The following MED13L variants were observed in gnomAD, a reference collection of about 807,000 sequenced individuals.
MED13L encodes mediator complex subunit 13L.
MED13L carries 7 observed loss-of-function variants against 220.9 expected under a neutral mutation model. The observed-to-expected ratio is 0.03, with a 90% CI of 0.02 to 0.06. The LOEUF (loss-of-function observed/expected upper bound fraction) is 0.06. MED13L is among the 10% of genes least tolerant of loss of function. MED13L has a pLI of 1.00. For synonymous variants in MED13L, 1,011 were observed against 1,015.2 expected (o/e 1.00, Z 0.08); for missense variants, 1,965 against 2,760.5 (o/e 0.71, Z 6.46).
At position 116,276,870 on chromosome 12, in the gene MED13L, A is replaced by C; in HGVS notation, c.72+190T>G. 4 of 964,932 alleles carry C rather than the reference A, an allele frequency of 4.1e-6. No individual in the cohort carries two copies. In the South Asian group the frequency reaches 6.3e-5, roughly 15 times the overall value. The allele number at this position is 964,932 out of a possible 1,614,324, so 59.8% of individuals were successfully genotyped here. A position where few individuals can be genotyped will look rare whatever the true frequency, so the allele number is the denominator to read the frequency against. On this transcript the variant is annotated intron_variant, in intron 1 of 30. Transcript: ENST00000281928. ...CAAATGATTTTTAAAGAGCCAAATA[A>C]ACACTGGATGGGATCCAAGGCGAGA...
chr12:116,250,248 A>T (rs1871414716), intron 1 of MED13L, among the ~76,000 whole-genome samples: 1 of 151,702 alleles, frequency 6.6e-6, no homozygotes, highest in Non-Finnish European at 1.5e-5. Flanking sequence ...CCAAATCTAG[A>T]CTTTTAGATC....
chr12:116,108,813 G>A (rs2137885981), intron 3 of MED13L, among the ~76,000 whole-genome samples: 1 of 152,252 alleles, frequency 6.6e-6, no homozygotes. Context: ...ATCAAAGTAT[G>A]TAAAATAAAA....
At chr12:116,182,005 C>T (rs1439249600) in intron 2 of MED13L, among the ~76,000 whole-genome samples, 1 of 152,132 alleles carries the variant, frequency 6.6e-6, no homozygotes, top group Non-Finnish European at 1.5e-5. Flanking sequence ...CTGCTGTTTC[C>T]ATAGTGAAGT....
intron 2 of MED13L, among the ~76,000 whole-genome samples, chr12:116,183,803 G>GGTGTGTGTGTGTGTGT (rs66691805): frequency 3.0e-4 from 33 of 110,164 alleles, no homozygotes; most frequent in East Asian, 1.9e-3. Flanking sequence ...TAGAAAAAAT[G>GGTGTGTGTGTGTGTGT]GTGTGTGTGT....
intron 4 of MED13L, among the ~76,000 whole-genome samples, chr12:116,040,612 A>G (rs544090158): frequency 1.1e-4 from 17 of 152,294 alleles, no homozygotes; most frequent in Admixed American, 1.0e-3. Context: ...TTCCCACTGA[A>G]TGACTCAGAC....
intron 2 of MED13L, among the ~76,000 whole-genome samples, chr12:116,148,357 T>C (rs1251023097): frequency 6.6e-6 from 1 of 151,956 alleles, no homozygotes; most frequent in Non-Finnish European, 1.5e-5. Context: ...TTATTTATAA[T>C]TGTTGATGGT....
At chr12:116,015,393 T>C (rs1879666295) in intron 7 of MED13L, 119 bp from the exon 8 acceptor site, 7 of 1,084,224 alleles carry the variant, frequency 6.5e-6, no homozygotes, top group South Asian at 1.3e-5. Flanking sequence ...TACATAGCTT[T>C]TTCCCTATCC....
chr12:116,241,902 G>C (rs1293266037), intron 1 of MED13L, among the ~76,000 whole-genome samples: 2 of 152,010 alleles, frequency 1.3e-5, no homozygotes, highest in African/African-American at 4.8e-5. Context: ...TTTGGTAAGA[G>C]AAAAGACAGC....
intron 2 of MED13L, among the ~76,000 whole-genome samples, chr12:116,125,289 G>A (rs150737103): frequency 2.1e-3 from 315 of 152,322 alleles, no homozygotes; most frequent in African/African-American, 7.3e-3. Context: ...GGGCACTACA[G>A]TGTGATCCCA....
At chr12:116,111,080 G>A (rs1430242063) in intron 3 of MED13L, among the ~76,000 whole-genome samples, 3 of 152,096 alleles carry the variant, frequency 2.0e-5, no homozygotes. Context: ...TTTTTATCAT[G>A]ATACTGTGCT....
At chr12:116,271,548 C>G (rs1381818637) in intron 1 of MED13L, among the ~76,000 whole-genome samples, 3 of 151,730 alleles carry the variant, frequency 2.0e-5, no homozygotes, top group Non-Finnish European at 4.4e-5. Flanking sequence ...ATGGCACGAA[C>G]CCGGGAGGCG....
rs547032155 is a variant in MED13L at position 116,157,600 on chromosome 12, C to T, written c.311-46088G>A. Among the ~76,000 whole-genome samples the T allele has an allele frequency of 2.6e-5, 4 of 152,358 alleles. No homozygotes were observed. The East Asian group carries it at 7.7e-4, about 29-fold the overall frequency. ...ACTGAACTACCTGAGTGCAAGAGCA[C>T]TATGCATCCTACTACCTCTCCGTTT... On this transcript the variant is annotated intron_variant, in intron 2 of 30. Coordinates refer to ENST00000281928, the MANE Select transcript of MED13L (RefSeq NM_015335.5).
intron 3 of MED13L, among the ~76,000 whole-genome samples, chr12:116,105,492 T>C (rs1321060748): frequency 2.0e-5 from 3 of 152,352 alleles, no homozygotes; most frequent in East Asian, 1.9e-4. Context: ...ATAAGTGTAA[T>C]TGCATGATCT....
chr12:116,044,225 A>G (rs1031733984), intron 4 of MED13L, among the ~76,000 whole-genome samples: 1 of 152,152 alleles, frequency 6.6e-6, no homozygotes, highest in Non-Finnish European at 1.5e-5. Flanking sequence ...TTCAAAGCCA[A>G]CTTAAGCACT....
intron 4 of MED13L, among the ~76,000 whole-genome samples, chr12:116,085,754 TCACACACACACACACA>T (rs10611880): frequency 1.0e-4 from 15 of 147,018 alleles, no homozygotes; most frequent in Non-Finnish European, 1.8e-4. Context: ...TTAAAATCAC[TCACACACACACACACA>T]CACACACACA....
chr12:116,103,637 A>G (rs1378786486), intron 3 of MED13L, among the ~76,000 whole-genome samples: 1 of 152,198 alleles, frequency 6.6e-6, no homozygotes, highest in African/African-American at 2.4e-5. Flanking sequence ...TGACTGAAAA[A>G]TATTCACTAA....
At chr12:116,069,211 G>C (rs1407459222) in intron 4 of MED13L, among the ~76,000 whole-genome samples, 1 of 152,138 alleles carries the variant, frequency 6.6e-6, no homozygotes, top group Admixed American at 6.6e-5. Context: ...CTTGTTGGCG[G>C]CTGAACTCAC....
intron 2 of MED13L, among the ~76,000 whole-genome samples, chr12:116,139,060 A>G (rs1171184660): frequency 1.3e-5 from 2 of 152,206 alleles, no homozygotes; most frequent in Non-Finnish European, 2.9e-5. Flanking sequence ...TTTTAATAAA[A>G]GTGGTCAAGA....
chr12:116,114,194 TATC>T (rs1320175071), intron 2 of MED13L, among the ~76,000 whole-genome samples: 1 of 152,204 alleles, frequency 6.6e-6, no homozygotes, highest in Non-Finnish European at 1.5e-5. Flanking sequence ...TTCCTCATGA[TATC>T]ATCATTTTAC....
Sources: allele counts gnomAD v4.1 joint callset (sites outside exome capture counted in the v4.1 genomes callset), GRCh38; gene constraint gnomAD v4.1.1; transcripts MANE v1.5; gene names NCBI Gene and HGNC (gene_info 2026-07-23, HGNC 2026-07-21).